The following TPTE variants were observed in gnomAD, a reference collection of about 807,000 sequenced individuals.
The protein encoded by TPTE is transmembrane phosphatase with tensin homology.
A neutral mutation model predicts 84.1 loss-of-function variants in TPTE; 59 were observed. The ratio of observed to expected loss-of-function variants is 0.70; its 90% CI spans 0.57 to 0.87. The LOEUF (loss-of-function observed/expected upper bound fraction) is 0.87, where lower values mean the gene tolerates loss of function less well. Ranked by LOEUF, TPTE falls within the 40% of genes least tolerant of loss-of-function variation. The pLI is 0.00. For missense variants in TPTE, 382 were observed against 659.6 expected (o/e 0.58, Z 4.61); for synonymous variants, 130 against 223.5 (o/e 0.58, Z 3.73).
At chr21:10,585,575 C>T (rs533251002) in intron 17 of TPTE, among the ~76,000 whole-genome samples, 43 of 152,336 alleles carry the variant, frequency 2.8e-4, no homozygotes, top group African/African-American at 9.9e-4. Flanking sequence ...TTATAATTTT[C>T]CTTTCTCATA....
chr21:10,546,899 A>AAGCAGC lies in TPTE; in HGVS notation c.173+3522_173+3527dup, dbSNP rs1237279546. On this transcript the variant is annotated intron_variant, in intron 7 of 23. Transcript: ENST00000618007. ...AGGTAAACAGCCAGTGCCGATGCAG[A>AAGCAGC]AGCAGCAGCAAGTTATCCAGAAGAT... Among the ~76,000 whole-genome samples, 3 of 152,426 alleles carry AAGCAGC rather than the reference A, an allele frequency of 2.0e-5. No homozygotes were observed. In the East Asian group the frequency reaches 5.8e-4, roughly 29 times the overall value.
At chr21:10,582,135 G>A (rs547680697) in intron 17 of TPTE, among the ~76,000 whole-genome samples, 1 of 152,428 alleles carries the variant, frequency 6.6e-6, no homozygotes, top group East Asian at 1.9e-4. Context: ...CCCCTATACT[G>A]ATGTAGTAAA....
intron 5 of TPTE, among the ~76,000 whole-genome samples, chr21:10,541,913 T>A (rs1249377310): frequency 6.6e-6 from 1 of 152,308 alleles, no homozygotes; most frequent in Non-Finnish European, 1.5e-5. Context: ...CCACAGAGGC[T>A]GGTGCTCCAA....
chr21:10,579,222 C>T (rs1338725267), intron 17 of TPTE, among the ~76,000 whole-genome samples: 2 of 152,304 alleles, frequency 1.3e-5, no homozygotes, highest in Admixed American at 6.5e-5. Context: ...AATTTTGCAT[C>T]CTTTAATTAA....
intron 7 of TPTE, among the ~76,000 whole-genome samples, chr21:10,548,549 C>T (rs1237710526): frequency 6.6e-6 from 1 of 152,306 alleles, no homozygotes; most frequent in Non-Finnish European, 1.5e-5. Context: ...GCAGTGTGCA[C>T]ACATCCTGAG....
intron 17 of TPTE, among the ~76,000 whole-genome samples, chr21:10,585,032 G>A (rs1204925243): frequency 6.6e-6 from 1 of 152,310 alleles, no homozygotes; most frequent in African/African-American, 2.4e-5. Context: ...AGGAGTTTAA[G>A]ACCAGCCTAG....
At chr21:10,577,433 T>C (rs368609948) in intron 14 of TPTE, 27 bp from the exon 15 acceptor site, 365 of 1,613,536 alleles carry the variant, frequency 2.3e-4, no homozygotes, top group Non-Finnish European at 3.0e-4. Flanking sequence ...CATGTAAATA[T>C]GTAAGATATG....
chr21:10,582,274 G>A (rs1231783092), intron 17 of TPTE, among the ~76,000 whole-genome samples: 1 of 152,298 alleles, frequency 6.6e-6, no homozygotes. Flanking sequence ...TCAATTGCGT[G>A]CTGTTTTGTT....
Position 10,605,687 on chromosome 21 carries a change from CATAA to C in TPTE, c.*138_*141del. ...TTTATATATGTTTATATATGTTCTTCATAAATCTATTACATATATATAGATAAAA... is the reference window on the plus strand; with the variant it reads ...TTTATATATGTTTATATATGTTCTTCATCTATTACATATATATAGATAAAA... On this transcript the variant is annotated 3_prime_UTR_variant, in exon 24 of 24. Transcript: ENST00000618007. The C allele has an allele frequency of 2.1e-6, 3 of 1,437,240 alleles. No homozygotes were observed. Among genetic ancestry groups the C allele is most frequent in the Non-Finnish European group, 2.8e-6 (3 of 1,078,848 alleles). The allele number at this position is 1,437,240 out of a possible 1,614,324, so 89.0% of individuals were successfully genotyped here. A position where few individuals can be genotyped will look rare whatever the true frequency, so the allele number is the denominator to read the frequency against.
At position 10,577,424 on chromosome 21, in the gene TPTE, A is replaced by G. The variant is rs372447423; in HGVS notation, c.796-36A>G. 1.8e-5 allele frequency: 29 copies of G among 1,613,984 alleles called. No individual in the cohort carries two copies. The African/African-American group carries it at 2.4e-4, about 13-fold the overall frequency. The stretch of plus-strand genomic sequence containing the variant: ...CTAGGAAATAGCTTATGTTGGTGCC[A>G]TGTAAATATGTAAGATATGTGTTTG... On this transcript the variant is annotated intron_variant, in intron 14 of 23. Coordinates refer to ENST00000618007, the MANE Select transcript of TPTE (RefSeq NM_199261.4).
At chr21:10,533,644 A>G (rs2074218040) in intron 3 of TPTE, among the ~76,000 whole-genome samples, 1 of 152,304 alleles carries the variant, frequency 6.6e-6, no homozygotes, top group African/African-American at 2.4e-5. Context: ...TGGTTTGGGC[A>G]GGAATTATAT....
intron 3 of TPTE, among the ~76,000 whole-genome samples, chr21:10,528,539 T>C (rs1385735481): frequency 2.0e-5 from 3 of 152,312 alleles, no homozygotes; most frequent in Admixed American, 6.5e-5. Flanking sequence ...AAATCTCTAA[T>C]ATATTTTTGC....
At chr21:10,528,003 G>A (rs1170195766) in intron 3 of TPTE, among the ~76,000 whole-genome samples, 1 of 152,252 alleles carries the variant, frequency 6.6e-6, no homozygotes, top group Non-Finnish European at 1.5e-5. Flanking sequence ...CACACATGAT[G>A]ATCAGGTTCA....
chr21:10,527,250 C>T (rs2074097257), intron 2 of TPTE, 105 bp from the exon 3 acceptor site: 1 of 152,754 alleles, frequency 6.5e-6, no homozygotes, highest in South Asian at 2.1e-4. Context: ...CAAAATTCCT[C>T]CGATTTTATT....
chr21:10,525,281 G>A (rs1488128875), intron 2 of TPTE, among the ~76,000 whole-genome samples: 20 of 152,302 alleles, frequency 1.3e-4, no homozygotes, highest in Non-Finnish European at 2.1e-4. Flanking sequence ...ATCAACTAAC[G>A]TGTTTTGGAG....
At chr21:10,567,649 T>C (rs749984304) in intron 10 of TPTE, 21 bp from the exon 11 acceptor site, 4 of 1,609,056 alleles carry the variant, frequency 2.5e-6, no homozygotes, top group Non-Finnish European at 3.4e-6. Context: ...ATGAACTTAT[T>C]TTTTTTGTTT....
intron 1 of TPTE, among the ~76,000 whole-genome samples, chr21:10,522,584 C>T (rs1458123778): frequency 1.3e-5 from 2 of 152,306 alleles, no homozygotes; most frequent in African/African-American, 4.8e-5. Flanking sequence ...CTGCATTTCT[C>T]TAATAGATAG....
At chr21:10,601,392 A>G (rs1483059459) in intron 21 of TPTE, among the ~76,000 whole-genome samples, 2 of 152,308 alleles carry the variant, frequency 1.3e-5, no homozygotes, top group Non-Finnish European at 2.9e-5. Flanking sequence ...AGTCCCAGCT[A>G]CTTGGGAGGC....
At chr21:10,547,505 TTTGCAAGCCC>T (rs2074490542) in intron 7 of TPTE, among the ~76,000 whole-genome samples, 1 of 152,306 alleles carries the variant, frequency 6.6e-6, no homozygotes, top group African/African-American at 2.4e-5. Context: ...TCTCACAGTC[TTTGCAAGCCC>T]TCAGGCCAGT....
Sources: allele counts gnomAD v4.1 joint callset (sites outside exome capture counted in the v4.1 genomes callset), GRCh38; gene constraint gnomAD v4.1.1; transcripts MANE v1.5; gene names NCBI Gene and HGNC (gene_info 2026-07-23, HGNC 2026-07-21).